The following TRPM3 variants were observed in gnomAD, a reference collection of about 807,000 sequenced individuals.
TRPM3 encodes the protein transient receptor potential cation channel subfamily M member 3.
A neutral mutation model predicts 181.2 loss-of-function variants in TRPM3; 77 were observed. The ratio of observed to expected loss-of-function variants is 0.42; its 90% confidence interval spans 0.35 to 0.51. The LOEUF is 0.51. TRPM3 is among the 20% of genes least tolerant of loss of function. TRPM3 has a pLI of 0.01. For synonymous variants in TRPM3, 745 were observed against 796.4 expected (o/e 0.94, Z 1.09); for missense variants, 1,759 against 2,196.7 (o/e 0.80, Z 3.98).
rs767417252 is a variant in TRPM3 at position 70,537,131 on chromosome 9, C to CTA, written c.3980_3981dup (p.Asp1328Ter). 1 of 1,601,716 alleles carries CTA rather than the reference C, an allele frequency of 6.2e-7. No individual in the cohort carries two copies. The highest frequency in any genetic ancestry group is 8.5e-7 in the Non-Finnish European group (1 of 1,170,374). On this transcript the variant is annotated frameshift_variant, in exon 26 of 26. Transcript: ENST00000677713. LOFTEE classifies it high-confidence loss of function. ...GACATGGTCTCCTCACCTGCAGGGT[C>CTA]TATACTCTCTTGGAGCTTGAAGGTG... is the stretch of plus-strand genomic sequence containing the variant.
At chr9:71,381,661 A>G (rs2092804079) in intron 1 of TRPM3, among the ~76,000 whole-genome samples, 2 of 152,158 alleles carry the variant, frequency 1.3e-5, no homozygotes, top group African/African-American at 4.8e-5. Flanking sequence ...AGTCACTATT[A>G]ACCACACTGA....
At chr9:70,741,705 A>G (rs1365072701) in intron 8 of TRPM3, among the ~76,000 whole-genome samples, 2 of 152,232 alleles carry the variant, frequency 1.3e-5, no homozygotes, top group African/African-American at 4.8e-5. Flanking sequence ...CCATTATTCT[A>G]AGTGAAGTAA....
At chr9:70,942,386 C>G (rs1190649939) in intron 1 of TRPM3, among the ~76,000 whole-genome samples, 1 of 152,034 alleles carries the variant, frequency 6.6e-6, no homozygotes, top group Non-Finnish European at 1.5e-5. Context: ...GCATGGAGTT[C>G]AAGAAGAGGA....
At position 71,072,497 on chromosome 9, in the gene TRPM3, G is replaced by A. The variant is rs139739096; in HGVS notation, c.177+48681C>T. ...ACTTAATCCTCCCAATAACCCAAGA[G>A]GCAGGTACCATTACTGCCCCATTCC... On this transcript the variant is annotated intron_variant, in intron 1 of 25. Coordinates refer to ENST00000677713, the MANE Select transcript of TRPM3 (RefSeq NM_001366145.2). Among the ~76,000 whole-genome samples the A allele has an allele frequency of 3.3e-5, 5 of 152,140 alleles. No individual in the cohort carries two copies. The East Asian group carries it at 7.7e-4, about 24-fold the overall frequency.
intron 1 of TRPM3, among the ~76,000 whole-genome samples, chr9:71,118,887 T>C (rs1324282608): frequency 6.6e-6 from 1 of 152,160 alleles, no homozygotes; most frequent in African/African-American, 2.4e-5. Flanking sequence ...ATTTCTAGAT[T>C]AAGCCAGGAA....
chr9:70,959,996 T>C (rs1456219646), intron 1 of TRPM3, among the ~76,000 whole-genome samples: 1 of 152,190 alleles, frequency 6.6e-6, no homozygotes, highest in African/African-American at 2.4e-5. Context: ...TTAGGGCTTA[T>C]TCTTTTCTGA....
intron 1 of TRPM3, among the ~76,000 whole-genome samples, chr9:71,108,333 T>C (rs974220394): frequency 1.3e-5 from 2 of 152,160 alleles, no homozygotes; most frequent in Non-Finnish European, 1.5e-5. Flanking sequence ...CATTAAGCTA[T>C]TATGTGTGTA....
At chr9:70,802,517 A>C (rs1461006446) in intron 6 of TRPM3, among the ~76,000 whole-genome samples, 1 of 152,202 alleles carries the variant, frequency 6.6e-6, no homozygotes, top group East Asian at 1.9e-4. Flanking sequence ...TAATGTGATA[A>C]ATTACATAAG....
intron 1 of TRPM3, among the ~76,000 whole-genome samples, chr9:71,365,978 T>C (rs1025490545): frequency 2.0e-5 from 3 of 151,848 alleles, no homozygotes; most frequent in African/African-American, 7.3e-5. Flanking sequence ...TAAAGAGAGA[T>C]GGGGAGGGGT....
chr9:71,375,078 C>T (rs2092631210), intron 1 of TRPM3, among the ~76,000 whole-genome samples: 1 of 152,056 alleles, frequency 6.6e-6, no homozygotes, highest in Non-Finnish European at 1.5e-5. Context: ...CTTCACAGAA[C>T]TAGAAAAAAC....
chr9:71,137,463 C>A (rs2074837631), intron 1 of TRPM3, among the ~76,000 whole-genome samples: 1 of 133,172 alleles, frequency 7.5e-6, no homozygotes, highest in South Asian at 2.4e-4. Context: ...AAAATGAGTT[C>A]TGCAAACAGA....
At chr9:70,953,393 T>C (rs2133724059) in intron 1 of TRPM3, among the ~76,000 whole-genome samples, 1 of 152,212 alleles carries the variant, frequency 6.6e-6, no homozygotes, top group Non-Finnish European at 1.5e-5. Flanking sequence ...TCTGCTGGTC[T>C]CAAACAAACA....
chr9:70,604,961 C>CTTTTT (rs1554774923), intron 19 of TRPM3, among the ~76,000 whole-genome samples: 78 of 4,910 alleles, frequency 0.016, no homozygotes, highest in African/African-American at 0.033. Flanking sequence ...TGAATGGATT[C>CTTTTT]TTCTTTTTTT....
At chr9:70,632,079 TC>T (rs1302705272) in intron 12 of TRPM3, among the ~76,000 whole-genome samples, 1 of 152,188 alleles carries the variant, frequency 6.6e-6, no homozygotes, top group African/African-American at 2.4e-5. Flanking sequence ...CACATATATT[TC>T]CCCCCATAAT....
At chr9:71,283,768 C>T (rs764699834) in intron 1 of TRPM3, among the ~76,000 whole-genome samples, 12 of 152,278 alleles carry the variant, frequency 7.9e-5, no homozygotes, top group Non-Finnish European at 1.5e-4. Context: ...TGGATCTATA[C>T]CCAGCTCTAT....
chr9:70,827,803 C>T, intron 6 of TRPM3, 44 bp downstream of exon 6: 1 of 1,594,794 alleles, frequency 6.3e-7, no homozygotes, highest in Non-Finnish European at 8.6e-7. Flanking sequence ...TCACTTTCAG[C>T]ATACCTCCTA....
intron 6 of TRPM3, among the ~76,000 whole-genome samples, chr9:70,814,284 C>A (rs1237167527): frequency 6.6e-6 from 1 of 152,026 alleles, no homozygotes; most frequent in Non-Finnish European, 1.5e-5. Flanking sequence ...ATGAGCTGCA[C>A]CATAACGGGT....
chr9:71,391,848 A>G (rs568563435), intron 1 of TRPM3, among the ~76,000 whole-genome samples: 9 of 152,236 alleles, frequency 5.9e-5, no homozygotes, highest in Non-Finnish European at 1.3e-4. Context: ...GAGATAAGGT[A>G]TAATAGTTAA....
intron 1 of TRPM3, among the ~76,000 whole-genome samples, chr9:70,941,375 T>C (rs1463547530): frequency 2.6e-5 from 4 of 152,168 alleles, no homozygotes; most frequent in African/African-American, 9.7e-5. Flanking sequence ...CTTACACCAG[T>C]GATTTGCCAA....
Sources: allele counts gnomAD v4.1 joint callset (sites outside exome capture counted in the v4.1 genomes callset), GRCh38; gene constraint gnomAD v4.1.1; transcripts MANE v1.5; gene names NCBI Gene and HGNC (gene_info 2026-07-23, HGNC 2026-07-21).